Variants in SAMD12 observed in about 807,000 individuals in gnomAD.
SAMD12 encodes sterile alpha motif domain containing 12.
Under a neutral mutation model 15.0 loss-of-function variants are expected in SAMD12, and 9 were observed. The ratio of observed to expected loss-of-function variants is 0.60; its 90% CI spans 0.36 to 1.05. SAMD12 has a LOEUF of 1.05. SAMD12 is among the 50% of genes least tolerant of loss of function. The pLI is 0.01. For synonymous variants in SAMD12, 86 were observed against 90.1 expected, an observed-to-expected ratio of 0.96 and a Z score of 0.25; for missense variants, 230 against 234.2, an observed-to-expected ratio of 0.98 and a Z score of 0.12.
chr8:118,226,906 T>C (rs566156903), intron 4 of SAMD12, among the ~76,000 whole-genome samples: 1 of 152,214 alleles, frequency 6.6e-6, no homozygotes, highest in East Asian at 1.9e-4. Context: ...GGTGTATAAG[T>C]AGAACATTCC....
chr8:118,255,626 T>C (rs978157293), intron 4 of SAMD12, among the ~76,000 whole-genome samples: 1 of 150,988 alleles, frequency 6.6e-6, no homozygotes, highest in African/African-American at 2.4e-5. Context: ...GTCCTTGCGA[T>C]AGTTTACTGA....
At chr8:118,472,948 T>C (rs1243177136) in intron 2 of SAMD12, among the ~76,000 whole-genome samples, 2 of 152,136 alleles carry the variant, frequency 1.3e-5, no homozygotes, top group African/African-American at 2.4e-5. Flanking sequence ...GCTAGGTATT[T>C]CCCAGTATTT....
chr8:118,251,916 A>G (rs1056439788), intron 4 of SAMD12, among the ~76,000 whole-genome samples: 1 of 151,692 alleles, frequency 6.6e-6, no homozygotes, highest in African/African-American at 2.4e-5. Flanking sequence ...TATTCAGTTG[A>G]CTGAATTTTC....
At chr8:118,479,404 G>A (rs569618100) in intron 2 of SAMD12, among the ~76,000 whole-genome samples, 2 of 152,194 alleles carry the variant, frequency 1.3e-5, no homozygotes, top group African/African-American at 4.8e-5. Context: ...AAGGTGAAAG[G>A]CACCTCTTAC....
At chr8:118,292,130 A>T (rs1408736785) in intron 4 of SAMD12, among the ~76,000 whole-genome samples, 1 of 151,344 alleles carries the variant, frequency 6.6e-6, no homozygotes, top group Non-Finnish European at 1.5e-5. Flanking sequence ...GACTTTGGGA[A>T]CTTGCAGGAA....
At chr8:118,441,025 A>C (rs920476902) in intron 2 of SAMD12, among the ~76,000 whole-genome samples, 42 of 151,964 alleles carry the variant, frequency 2.8e-4, no homozygotes, top group African/African-American at 9.9e-4. Flanking sequence ...ATTTCCTTCC[A>C]CTTCTCTATC....
chr8:118,554,231 C>G (rs1586814763), intron 2 of SAMD12, among the ~76,000 whole-genome samples: 1 of 152,118 alleles, frequency 6.6e-6, no homozygotes, highest in South Asian at 2.1e-4. Flanking sequence ...GACACATGCA[C>G]ACGTATGTTT....
intron 4 of SAMD12, among the ~76,000 whole-genome samples, chr8:118,341,797 C>T (rs923126940): frequency 6.6e-6 from 1 of 152,016 alleles, no homozygotes; most frequent in Non-Finnish European, 1.5e-5. Context: ...TATGACAGGC[C>T]CAGTGTCAAA....
At chr8:118,544,205 C>CA (rs1826063705) in intron 2 of SAMD12, among the ~76,000 whole-genome samples, 1 of 152,068 alleles carries the variant, frequency 6.6e-6, no homozygotes, top group African/African-American at 2.4e-5. Context: ...TGTGGTGGCA[C>CA]AAAAATGAGT....
intron 1 of SAMD12, among the ~76,000 whole-genome samples, chr8:118,607,099 A>G (rs1280075338): frequency 8.5e-5 from 13 of 152,192 alleles, no homozygotes; most frequent in African/African-American, 2.7e-4. Flanking sequence ...AAGTCCTCCT[A>G]TTCCATTCCT....
intron 2 of SAMD12, among the ~76,000 whole-genome samples, chr8:118,475,533 C>T (rs1478085808): frequency 3.3e-5 from 5 of 152,122 alleles, no homozygotes; most frequent in Non-Finnish European, 7.3e-5. Flanking sequence ...AGATGTTGAC[C>T]CTGAGGCATA....
chr8:118,503,460 G>C (rs959274111), intron 2 of SAMD12, among the ~76,000 whole-genome samples: 1 of 152,080 alleles, frequency 6.6e-6, no homozygotes, highest in Non-Finnish European at 1.5e-5. Flanking sequence ...CCCTTTTCAC[G>C]GGTAAGAGCA....
intron 4 of SAMD12, among the ~76,000 whole-genome samples, chr8:118,372,064 C>G (rs1819132029): frequency 6.6e-6 from 1 of 152,078 alleles, no homozygotes; most frequent in Non-Finnish European, 1.5e-5. Flanking sequence ...AAAGCCTCAA[C>G]TAAATAAAAG....
intron 2 of SAMD12, among the ~76,000 whole-genome samples, chr8:118,482,789 C>T (rs1055154123): frequency 2.6e-5 from 4 of 152,022 alleles, no homozygotes; most frequent in South Asian, 4.1e-4. Context: ...TCAGGGAACC[C>T]GAAGAGGTCA....
At chr8:118,136,328 C>T in the SAMD12 span, among the ~76,000 whole-genome samples, 2 of 152,200 alleles carry the variant, frequency 1.3e-5, no homozygotes, top group African/African-American at 4.8e-5. Context: ...CCATGCCTGG[C>T]CTATCTGGCT....
At chr8:118,227,093 A>G (rs1174338843) in intron 4 of SAMD12, among the ~76,000 whole-genome samples, 1 of 152,176 alleles carries the variant, frequency 6.6e-6, no homozygotes, top group Admixed American at 6.5e-5. Flanking sequence ...ACAATTCACA[A>G]TAGCAAGACA....
chr8:118,391,126 T>G (rs887244039), intron 3 of SAMD12, among the ~76,000 whole-genome samples: 3 of 152,120 alleles, frequency 2.0e-5, no homozygotes, highest in Non-Finnish European at 2.9e-5. Context: ...CCAAATCCCA[T>G]CCAAAAAATT....
At chr8:118,372,169 T>C (rs1035929023) in intron 4 of SAMD12, among the ~76,000 whole-genome samples, 2 of 152,182 alleles carry the variant, frequency 1.3e-5, no homozygotes, top group African/African-American at 4.8e-5. Context: ...AAAAGGAATC[T>C]GACTGGCTCA....
chr8:118,206,717 AGCTTGGTAAAAT>A (rs778465902), intron 4 of SAMD12, among the ~76,000 whole-genome samples: 1 of 152,194 alleles, frequency 6.6e-6, no homozygotes, highest in Non-Finnish European at 1.5e-5. Context: ...TGCCCCAGAG[AGCTTGGTAAAAT>A]GCTGTTTTCT....
Sources: allele counts gnomAD v4.1 joint callset (sites outside exome capture counted in the v4.1 genomes callset), GRCh38; gene constraint gnomAD v4.1.1; transcripts MANE v1.5; gene names NCBI Gene and HGNC (gene_info 2026-07-23, HGNC 2026-07-21).